SMAP1: variants seen among roughly 807,000 people sequenced by gnomAD.
The protein encoded by SMAP1 is stromal membrane-associated protein 1.
Under a neutral mutation model 58.5 loss-of-function variants are expected in SMAP1, and 24 were observed. That is an observed-to-expected ratio of 0.41 (90% CI 0.30 to 0.58). The LOEUF is 0.58. Among genes scored for constraint, SMAP1 ranks in the 20% least tolerant of loss-of-function variants. SMAP1 has a pLI of 0.29. For synonymous variants in SMAP1, 216 were observed against 196.6 expected, an observed-to-expected ratio of 1.10 and a Z score of -0.82; for missense variants, 563 against 566.3, an observed-to-expected ratio of 0.99 and a Z score of 0.06.
At chr6:70,851,240 TTAA>T (rs1229571107) in intron 7 of SMAP1, among the ~76,000 whole-genome samples, 1 of 152,190 alleles carries the variant, frequency 6.6e-6, no homozygotes, top group Non-Finnish European at 1.5e-5. Flanking sequence ...TGACTATGTG[TTAA>T]TAATTCTTTG....
intron 1 of SMAP1, among the ~76,000 whole-genome samples, chr6:70,676,626 G>T (rs1176992115): frequency 6.6e-6 from 1 of 152,060 alleles, no homozygotes; most frequent in Non-Finnish European, 1.5e-5. Flanking sequence ...CTAACTTAAG[G>T]TTTTTCTCAG....
chr6:70,690,708 A>ATATATATT (rs1554189883), intron 1 of SMAP1, among the ~76,000 whole-genome samples: 50 of 148,942 alleles, frequency 3.4e-4, no homozygotes, highest in South Asian at 1.0e-3. Context: ...ATATATATAT[A>ATATATATT]TTTTTGAATT....
intron 1 of SMAP1, among the ~76,000 whole-genome samples, chr6:70,706,968 G>A (rs529434385): frequency 2.2e-4 from 34 of 152,248 alleles, no homozygotes; most frequent in African/African-American, 7.9e-4. Flanking sequence ...ATAAAATTTA[G>A]GATTAGGAAT....
intron 2 of SMAP1, among the ~76,000 whole-genome samples, chr6:70,751,240 AC>A (rs1766263743): frequency 6.6e-6 from 1 of 152,286 alleles, no homozygotes; most frequent in East Asian, 1.9e-4. Flanking sequence ...ACTCCGTCTT[AC>A]AAAAAATAAA....
At chr6:70,776,414 C>A (rs139901708) in intron 4 of SMAP1, among the ~76,000 whole-genome samples, 5 of 152,078 alleles carry the variant, frequency 3.3e-5, no homozygotes, top group African/African-American at 1.2e-4. Context: ...CTCTTGACCT[C>A]GTGATCTGCC....
At chr6:70,811,952 T>C (rs1769407777) in intron 6 of SMAP1, among the ~76,000 whole-genome samples, 1 of 152,190 alleles carries the variant, frequency 6.6e-6, no homozygotes, top group Admixed American at 6.5e-5. Context: ...ACTGAGTGAC[T>C]AACAGGTGGG....
intron 5 of SMAP1, among the ~76,000 whole-genome samples, chr6:70,794,621 C>T (rs552631634): frequency 4.3e-4 from 65 of 152,212 alleles, no homozygotes; most frequent in African/African-American, 1.4e-3. Flanking sequence ...TATCATTGTT[C>T]AGTTCCCACC....
At chr6:70,803,779 G>A (rs781036131) in intron 6 of SMAP1, among the ~76,000 whole-genome samples, 5 of 152,176 alleles carry the variant, frequency 3.3e-5, no homozygotes, top group Non-Finnish European at 7.4e-5. Context: ...AGGTTGTTCA[G>A]TTTCCATGTA....
At chr6:70,726,169 A>T (rs888461401) in intron 1 of SMAP1, among the ~76,000 whole-genome samples, 1 of 152,198 alleles carries the variant, frequency 6.6e-6, no homozygotes, top group African/African-American at 2.4e-5. Flanking sequence ...GGATTAAACC[A>T]GACAGTATAT....
intron 1 of SMAP1, among the ~76,000 whole-genome samples, chr6:70,688,974 GT>G (rs912277024): frequency 2.8e-4 from 41 of 144,794 alleles, no homozygotes; most frequent in African/African-American, 4.3e-4. Flanking sequence ...ATGGATCAAA[GT>G]TTTTTTTTTT....
At chr6:70,816,053 A>C (rs1294006624) in intron 6 of SMAP1, among the ~76,000 whole-genome samples, 1 of 152,178 alleles carries the variant, frequency 6.6e-6, no homozygotes, top group Non-Finnish European at 1.5e-5. Flanking sequence ...AATAGGAGAC[A>C]GAGTGTGGAG....
At chr6:70,792,086 T>C (rs1045717772) in intron 5 of SMAP1, among the ~76,000 whole-genome samples, 21 of 152,212 alleles carry the variant, frequency 1.4e-4, no homozygotes, top group Non-Finnish European at 2.6e-4. Context: ...ATTTTCTTTC[T>C]ATGATTCTGT....
chr6:70,786,132 G>A (rs1167521438), intron 4 of SMAP1, among the ~76,000 whole-genome samples: 4 of 152,056 alleles, frequency 2.6e-5, no homozygotes, highest in East Asian at 1.9e-4. Context: ...TCCCTGGGAC[G>A]CAAGGCTGGT....
At chr6:70,731,096 A>G (rs1199801690) in intron 1 of SMAP1, among the ~76,000 whole-genome samples, 1 of 152,198 alleles carries the variant, frequency 6.6e-6, no homozygotes, top group Non-Finnish European at 1.5e-5. Context: ...CACTGTGTCC[A>G]GCTACTTGAT....
chr6:70,724,260 G>A (rs1234097728), intron 1 of SMAP1, among the ~76,000 whole-genome samples: 1 of 151,032 alleles, frequency 6.6e-6, no homozygotes, highest in Non-Finnish European at 1.5e-5. Flanking sequence ...GCAGTGTTGT[G>A]ATCTTGGCTC....
intron 4 of SMAP1, among the ~76,000 whole-genome samples, chr6:70,787,974 C>T (rs1450805537): frequency 4.6e-5 from 7 of 152,204 alleles, no homozygotes; most frequent in East Asian, 1.9e-4. Context: ...GACTATAAAT[C>T]GTGCTACTAT....
chr6:70,771,538 C>T (rs550005084), intron 3 of SMAP1, among the ~76,000 whole-genome samples: 1 of 152,288 alleles, frequency 6.6e-6, no homozygotes, highest in South Asian at 2.1e-4. Flanking sequence ...ACTCCGGGGG[C>T]GTAGGACCCT....
At chr6:70,798,993 T>C (rs188566719) in intron 6 of SMAP1, among the ~76,000 whole-genome samples, 149 of 152,198 alleles carry the variant, frequency 9.8e-4, no homozygotes, top group Non-Finnish European at 1.9e-3. Context: ...ACATAGAGAA[T>C]GGTGTTTTTA....
chr6:70,704,805 AT>A (rs1182455187), intron 1 of SMAP1, among the ~76,000 whole-genome samples: 11 of 152,230 alleles, frequency 7.2e-5, no homozygotes, highest in Non-Finnish European at 1.5e-4. Flanking sequence ...TCAGAGTGTC[AT>A]TTTAGCCATC....
Sources: allele counts gnomAD v4.1 joint callset (sites outside exome capture counted in the v4.1 genomes callset), GRCh38; gene constraint gnomAD v4.1.1; transcripts MANE v1.5; gene names NCBI Gene and HGNC (gene_info 2026-07-23, HGNC 2026-07-21).